RALGAPB: variants seen among roughly 807,000 people sequenced by gnomAD.
RALGAPB encodes the protein ral GTPase-activating protein subunit beta.
In RALGAPB, 25 loss-of-function variants were observed where a neutral mutation model predicts 161.1. That is an observed-to-expected ratio of 0.16 (90% CI 0.11 to 0.22). The LOEUF (loss-of-function observed/expected upper bound fraction) is 0.22. Ranked by LOEUF, RALGAPB falls within the 10% of genes least tolerant of loss-of-function variation. The probability of loss-of-function intolerance (pLI) is 1.00; values close to 1 mark genes in which losing one functional copy is unlikely to be tolerated. For synonymous variants in RALGAPB, 629 were observed against 626.1 expected, an observed-to-expected ratio of 1.00 and a Z score of -0.07; for missense variants, 1,391 against 1,815.2, an observed-to-expected ratio of 0.77 and a Z score of 4.25.
intron 9 of RALGAPB, among the ~76,000 whole-genome samples, chr20:38,519,545 A>C (rs1188156432): frequency 3.3e-5 from 5 of 152,140 alleles, no homozygotes; most frequent in Admixed American, 3.3e-4. Context: ...CTCTCCAGGG[A>C]GTTTGTAACA....
At position 38,525,882 on chromosome 20, in the gene RALGAPB, G is replaced by A. The variant is rs528321830; in HGVS notation, c.1903-13G>A. The A allele has an allele frequency of 2.3e-5, 37 of 1,609,062 alleles. No individual in the cohort carries two copies. The East Asian group carries it at 7.4e-4, about 32-fold the overall frequency. Reference sequence around the variant, plus strand: ...CAACAGCTGATGTTAAATATTATTTGTTTTTTCCATAGGTGGTCCTGGAAG... The same window carrying A: ...CAACAGCTGATGTTAAATATTATTTATTTTTTCCATAGGTGGTCCTGGAAG... On this transcript the variant is annotated splice_polypyrimidine_tract_variant and intron_variant, in intron 12 of 29. Transcript: ENST00000262879.
intron 22 of RALGAPB, 149 bp downstream of exon 22, chr20:38,554,225 G>A (rs543449976): frequency 2.1e-5 from 16 of 775,390 alleles, no homozygotes; most frequent in Non-Finnish European, 2.8e-5. Context: ...ATGAAATTCT[G>A]TGCTGCTGTA....
At chr20:38,561,331 A>G (rs556307928) in intron 23 of RALGAPB, among the ~76,000 whole-genome samples, 24 of 152,340 alleles carry the variant, frequency 1.6e-4, no homozygotes, top group Middle Eastern at 6.8e-3. Context: ...CTCAAAAGAA[A>G]AGAAAAAATA....
At chr20:38,476,627 C>T (rs1490976611) in intron 1 of RALGAPB, among the ~76,000 whole-genome samples, 1 of 152,108 alleles carries the variant, frequency 6.6e-6, no homozygotes, top group Non-Finnish European at 1.5e-5. Flanking sequence ...AGAGGCCCCT[C>T]GACTTATGAT....
rs776256811 is a variant in RALGAPB at position 38,488,429 on chromosome 20, C to T, written c.-4C>T. ...TGCCATTTGGATTGTACTTTAGTGG[C>T]ACGATGTACTCTGAGTGGAGGTCAC... On this transcript the variant is annotated 5_prime_UTR_variant, in exon 2 of 30. Transcript: ENST00000262879. 6.2e-7 allele frequency: 1 copy of T among 1,608,876 alleles called. No homozygotes were observed. The highest frequency in any genetic ancestry group is 8.5e-7 in the Non-Finnish European group (1 of 1,176,946).
chr20:38,526,017 C>T lies in RALGAPB; in HGVS notation c.2025C>T (p.Asp675=), dbSNP rs764801068. 22 of 1,613,678 alleles carry T rather than the reference C, an allele frequency of 1.4e-5. No individual in the cohort carries two copies. Among genetic ancestry groups the T allele is most frequent in the Non-Finnish European group, 1.7e-5 (20 of 1,179,900 alleles). The change falls in exon 13 of 30, where the codon GAC becomes GAT. Residue 675 remains aspartate (D), a synonymous_variant. Coordinates refer to ENST00000262879, the MANE Select transcript of RALGAPB (RefSeq NM_020336.4). The stretch of plus-strand genomic sequence containing the variant: ...TAGGTGCCTTGCAAACTGAAACGGA[C>T]CCCAACAACACCCAAATGATATTAG... ...ILIGALQTET[D]PNNTQMILGA...
At position 38,539,942 on chromosome 20, in the gene RALGAPB, A is replaced by C. The variant is rs763795529; in HGVS notation, c.2546A>C (p.Asp849Ala). The change falls in exon 17 of 30, where the codon GAT becomes GCT. Residue 849 changes from aspartate to alanine, a missense_variant. By Grantham distance (126) the Asp-to-Ala change is moderately radical. Transcript: ENST00000262879. ...TGTGTCTGGCTGACAGAGCACCCTGATATGCTTGATGAAAAGGTGAGTTTA... is the reference window on the plus strand; with the variant it reads ...TGTGTCTGGCTGACAGAGCACCCTGCTATGCTTGATGAAAAGGTGAGTTTA... ...CLCVWLTEHP[D>A]MLDEKDCLKE... 6.2e-7 allele frequency: 1 copy of C among 1,609,688 alleles called. No individual in the cohort carries two copies. Among genetic ancestry groups the C allele is most frequent in the African/African-American group, 1.3e-5 (1 of 74,778 alleles).
intron 5 of RALGAPB, among the ~76,000 whole-genome samples, chr20:38,504,940 A>G (rs2085713264): frequency 6.6e-6 from 1 of 152,230 alleles, no homozygotes; most frequent in Non-Finnish European, 1.5e-5. Flanking sequence ...GATGCTGGCA[A>G]GACTGCAGGG....
At chr20:38,558,948 A>G (rs930521292) in intron 23 of RALGAPB, among the ~76,000 whole-genome samples, 1 of 152,206 alleles carries the variant, frequency 6.6e-6, no homozygotes, top group Non-Finnish European at 1.5e-5. Context: ...TCATTTTCAT[A>G]TACAAAATTT....
At chr20:38,559,109 G>A (rs2087698111) in intron 23 of RALGAPB, among the ~76,000 whole-genome samples, 1 of 152,186 alleles carries the variant, frequency 6.6e-6, no homozygotes, top group Non-Finnish European at 1.5e-5. Flanking sequence ...TTAAATAGGA[G>A]CTGTAGGATA....
chr20:38,487,723 T>C (rs548571063), intron 1 of RALGAPB, among the ~76,000 whole-genome samples: 6 of 152,160 alleles, frequency 3.9e-5, no homozygotes, highest in East Asian at 1.9e-4. Context: ...AGACTACATA[T>C]TCACATTAGG....
intron 13 of RALGAPB, among the ~76,000 whole-genome samples, chr20:38,528,512 A>C (rs1449939428): frequency 6.6e-6 from 1 of 151,916 alleles, no homozygotes; most frequent in Non-Finnish European, 1.5e-5. Flanking sequence ...CTGGGACCAC[A>C]GGCGTGTGCC....
chr20:38,537,565 C>T (rs73905638), intron 16 of RALGAPB, among the ~76,000 whole-genome samples: 1,609 of 152,280 alleles, frequency 0.011, 23 homozygotes, highest in African/African-American at 0.037. Context: ...GAAGAACAAA[C>T]TGATATGTTG....
At chr20:38,547,505 G>C (rs1299514158) in intron 19 of RALGAPB, 1 of 152,212 alleles carries the variant, frequency 6.6e-6, no homozygotes, top group African/African-American at 2.4e-5. Context: ...TTGTCGCACA[G>C]TGATAGGATT....
In RALGAPB at chr20:38,534,948, T is replaced by C. The variant is rs2086759058; in HGVS notation, c.2246-126T>C. 4.3e-6 allele frequency: 5 copies of C among 1,166,130 alleles called. No homozygotes were observed. The African/African-American group carries it at 6.1e-5, about 14-fold the overall frequency. The allele number at this position is 1,166,130 out of a possible 1,614,324, so 72.2% of individuals were successfully genotyped here. ...CCCAGTGGGGTGGGGAGCGTAGCAC[T>C]GTGTGGGTGCCCGTCGTTCTCACTG... On this transcript the variant is annotated intron_variant, in intron 15 of 29. Transcript: ENST00000262879.
intron 16 of RALGAPB, 91 bp downstream of exon 16, chr20:38,535,298 GT>G (rs1466786504): frequency 7.1e-7 from 1 of 1,415,644 alleles, no homozygotes; most frequent in Non-Finnish European, 9.7e-7. Flanking sequence ...GGGTATTTTA[GT>G]GTTGATCATG....
At chr20:38,481,715 T>G (rs1018544686) in intron 1 of RALGAPB, among the ~76,000 whole-genome samples, 1 of 152,186 alleles carries the variant, frequency 6.6e-6, no homozygotes, top group Non-Finnish European at 1.5e-5. Flanking sequence ...ATAAACTCAT[T>G]GAAAACAGGA....
In RALGAPB at chr20:38,535,427, C is replaced by T. The variant is rs553686441; in HGVS notation, c.2379+220C>T. On this transcript the variant is annotated intron_variant, in intron 16 of 29. Coordinates refer to ENST00000262879, the MANE Select transcript of RALGAPB (RefSeq NM_020336.4). ...CAAAGAGTATGAATGAGATTTTTAC[C>T]GTTAAATTATAGGAAACATTTCAAT... Among the ~76,000 whole-genome samples the T allele has an allele frequency of 5.1e-4, 78 of 152,064 alleles. No individual in the cohort carries two copies. The South Asian group carries it at 0.016, about 31-fold the overall frequency.
chr20:38,535,668 C>T (rs2086783581), intron 16 of RALGAPB, among the ~76,000 whole-genome samples: 2 of 151,390 alleles, frequency 1.3e-5, no homozygotes, highest in African/African-American at 4.9e-5. Flanking sequence ...ACTTGTTGCA[C>T]TGCAGCCTCC....
Sources: allele counts gnomAD v4.1 joint callset (sites outside exome capture counted in the v4.1 genomes callset), GRCh38; gene constraint gnomAD v4.1.1; transcripts MANE v1.5; gene names NCBI Gene and HGNC (gene_info 2026-07-23, HGNC 2026-07-21).